Variants in DENND4C observed in about 807,000 individuals in gnomAD.
DENND4C encodes the protein DENN domain-containing protein 4C.
Under a neutral mutation model 203.0 loss-of-function variants are expected in DENND4C, and 108 were observed. The ratio of observed to expected loss-of-function variants is 0.53; its 90% confidence interval spans 0.46 to 0.62. DENND4C has a LOEUF of 0.62. Ranked by LOEUF, DENND4C falls within the 20% of genes least tolerant of loss-of-function variation. The probability of loss-of-function intolerance (pLI) is 0.00; values close to 1 mark genes in which losing one functional copy is unlikely to be tolerated. For missense variants in DENND4C, 2,481 were observed against 2,301.2 expected, an observed-to-expected ratio of 1.08 and a Z score of -1.60; for synonymous variants, 871 against 792.4, an observed-to-expected ratio of 1.10 and a Z score of -1.67.
intron 9 of DENND4C, among the ~76,000 whole-genome samples, chr9:19,301,560 T>G (rs1238759573): frequency 1.3e-5 from 2 of 152,180 alleles, no homozygotes. Context: ...AAGTATTACT[T>G]TTCCAAGTCA....
At chr9:19,370,955 A>G (rs1445117899) in intron 31 of DENND4C, among the ~76,000 whole-genome samples, 3 of 152,232 alleles carry the variant, frequency 2.0e-5, no homozygotes, top group East Asian at 1.9e-4. Context: ...CATTTTTACT[A>G]TCAGTAGTTG....
chr9:19,240,026 T>G (rs1823276183), intron 1 of DENND4C, among the ~76,000 whole-genome samples: 1 of 152,218 alleles, frequency 6.6e-6, no homozygotes, highest in African/African-American at 2.4e-5. Flanking sequence ...TTGAACTCCC[T>G]GTGATTGTGG....
At chr9:19,300,612 A>C (rs779030251) in intron 9 of DENND4C, among the ~76,000 whole-genome samples, 2 of 152,230 alleles carry the variant, frequency 1.3e-5, no homozygotes, top group Non-Finnish European at 2.9e-5. Context: ...ATTATATAAT[A>C]AAACCTGAGA....
Position 19,346,791 on chromosome 9 carries a change from A to C in DENND4C, c.4022A>C (p.Glu1341Ala). Residue 1341 changes from glutamate to alanine, a missense_variant, in exon 23 of 33, where the codon GAA becomes GCA. Glu to Ala is a moderately radical substitution (Grantham distance 107). This residue lies in a region of DENND4C where 2,289 missense variants were observed against 2,113.3 expected (regional missense o/e 1.08). Transcript: ENST00000434457. ...GGTTCACCAGCACAGGAAAATCCTG[A>C]AAGTGAAAAGAGCTCACCTGCAGTG... is the stretch of plus-strand genomic sequence containing the variant. Reference protein sequence around the residue: ...DHGSPAQENPESEKSSPAVSR... With the variant: ...DHGSPAQENPASEKSSPAVSR... 1 of 1,614,214 alleles carries C rather than the reference A, an allele frequency of 6.2e-7. No homozygotes were observed.
At chr9:19,277,288 C>T (rs1178155566) in intron 2 of DENND4C, among the ~76,000 whole-genome samples, 1 of 152,068 alleles carries the variant, frequency 6.6e-6, no homozygotes, top group East Asian at 1.9e-4. Flanking sequence ...AGAGTATTGT[C>T]ATCTTTACAA....
chr9:19,317,726 T>C (rs2131574875), intron 12 of DENND4C, among the ~76,000 whole-genome samples: 1 of 152,264 alleles, frequency 6.6e-6, no homozygotes, highest in Admixed American at 6.5e-5. Context: ...GGATCTTAAA[T>C]GGAAAATAAT....
chr9:19,360,793 G>A (rs1297000841), intron 29 of DENND4C, among the ~76,000 whole-genome samples: 1 of 152,178 alleles, frequency 6.6e-6, no homozygotes, highest in South Asian at 2.1e-4. Flanking sequence ...GGAGAGGAGA[G>A]TATGTCTTTT....
intron 1 of DENND4C, among the ~76,000 whole-genome samples, chr9:19,232,991 T>C (rs973352659): frequency 4.0e-5 from 6 of 151,290 alleles, no homozygotes; most frequent in Admixed American, 6.6e-5. Context: ...GTTTGAAAGC[T>C]AGGGGAATCT....
chr9:19,259,224 G>A (rs7865831), intron 1 of DENND4C, among the ~76,000 whole-genome samples: 31,306 of 151,304 alleles, frequency 0.21, 3,320 homozygotes, highest in Admixed American at 0.23. Context: ...TGCATTAACC[G>A]TCTCCATTCC....
intron 1 of DENND4C, among the ~76,000 whole-genome samples, chr9:19,246,447 T>A (rs1825286285): frequency 6.6e-6 from 1 of 152,158 alleles, no homozygotes; most frequent in African/African-American, 2.4e-5. Flanking sequence ...TATTATTATT[T>A]TTTATAATAG....
intron 30 of DENND4C, among the ~76,000 whole-genome samples, chr9:19,365,375 C>G (rs1827419988): frequency 6.6e-6 from 1 of 152,104 alleles, no homozygotes; most frequent in Non-Finnish European, 1.5e-5. Flanking sequence ...ACTCATCAAG[C>G]TGGGAATAGA....
intron 17 of DENND4C, among the ~76,000 whole-genome samples, chr9:19,333,590 G>C (rs1431149061): frequency 6.6e-6 from 1 of 152,126 alleles, no homozygotes; most frequent in East Asian, 1.9e-4. Context: ...TTCATCATAA[G>C]GTTAGTTTGA....
intron 28 of DENND4C, 129 bp from the exon 29 acceptor site, chr9:19,360,115 C>A: frequency 1.1e-6 from 1 of 916,176 alleles, no homozygotes. Context: ...AGCATATTCT[C>A]TTGCATGTAG....
chr9:19,291,935 G>T (rs559437932), intron 5 of DENND4C, among the ~76,000 whole-genome samples: 1 of 152,222 alleles, frequency 6.6e-6, no homozygotes, highest in South Asian at 2.1e-4. Flanking sequence ...GTTTTCCAAG[G>T]TTGATGAAAA....
intron 13 of DENND4C, among the ~76,000 whole-genome samples, chr9:19,325,182 T>C (rs969745250): frequency 2.6e-5 from 4 of 152,168 alleles, no homozygotes; most frequent in African/African-American, 9.6e-5. Flanking sequence ...TTATGGGTAA[T>C]AGAAGTTCTA....
At chr9:19,304,090 C>G (rs968730721) in intron 9 of DENND4C, among the ~76,000 whole-genome samples, 1 of 146,300 alleles carries the variant, frequency 6.8e-6, no homozygotes, top group Non-Finnish European at 1.5e-5. Context: ...TGAAGTAAAG[C>G]TTTGTAAAGG....
At chr9:19,331,585 G>C (rs1374399243) in intron 16 of DENND4C, among the ~76,000 whole-genome samples, 1 of 152,184 alleles carries the variant, frequency 6.6e-6, no homozygotes. Context: ...AATCTTGGCA[G>C]GAGATAGCCT....
In DENND4C at chr9:19,275,273, C is replaced by CG. The variant is rs1327924237; in HGVS notation, c.-17-883dup. On this transcript the variant is annotated intron_variant, in intron 1 of 32. Coordinates refer to ENST00000434457, the MANE Select transcript of DENND4C (RefSeq NM_001330640.2). ...GATTACAGGTGTGAGCCACCAGGCC[C>CG]GGCCTTTTTTTTTTTTTTCTTTCTC... Among the ~76,000 whole-genome samples the CG allele has an allele frequency of 1.1e-4, 14 of 124,022 alleles. No individual in the cohort carries two copies. In the South Asian group the frequency reaches 2.2e-3, roughly 20 times the overall value. The allele number at this position is 124,022 out of a possible 152,430, so 81.4% of individuals were successfully genotyped here.
chr9:19,368,494 A>G (rs1393971567), intron 30 of DENND4C, among the ~76,000 whole-genome samples: 1 of 152,154 alleles, frequency 6.6e-6, no homozygotes, highest in Non-Finnish European at 1.5e-5. Context: ...AGAGGCTGAA[A>G]CAGGTAAAGA....
Sources: gnomAD v4.1 joint callset for allele counts (sites outside exome capture counted in the v4.1 genomes callset) on GRCh38, gnomAD v4.1.1 for gene constraint, gnomAD v4.1.1 regional missense constraint, MANE v1.5 for transcripts, NCBI Gene and HGNC (gene_info 2026-07-23, HGNC 2026-07-21) for gene names.